The following LAMP2 variants were observed in gnomAD, a reference collection of about 807,000 sequenced individuals.
LAMP2 encodes the protein lysosome associated membrane protein 2, also known as lysosome-associated membrane glycoprotein 2.
Under a neutral mutation model 25.6 loss-of-function variants are expected in LAMP2, and 4 were observed. That is an observed-to-expected ratio of 0.16 (90% CI 0.08 to 0.36). The LOEUF is 0.36. LAMP2 is among the 10% of genes least tolerant of loss of function. LAMP2 has a pLI of 1.00. For missense variants in LAMP2, 272 were observed against 301.4 expected (o/e 0.90, Z 0.72); for synonymous variants, 108 against 112.7 (o/e 0.96, Z 0.27).
chrX:120,438,709 C>A, intron 8 of LAMP2: 1 of 764,476 alleles, frequency 1.3e-6, no homozygotes, highest in Non-Finnish European at 1.5e-6. Context: ...CACACACACA[C>A]ACACACACAC....
At chrX:120,462,291 G>A (rs1921346531) in intron 1 of LAMP2, among the ~76,000 whole-genome samples, 1 of 110,293 alleles carries the variant, frequency 9.1e-6, no homozygotes, top group Non-Finnish European at 1.9e-5. Flanking sequence ...GAGGCCAAGG[G>A]GGGCAGATCA....
At chrX:120,434,666 A>T (rs2058535741) in intron 8 of LAMP2, among the ~76,000 whole-genome samples, 1 of 112,225 alleles carries the variant, frequency 8.9e-6, no homozygotes, top group African/African-American at 3.2e-5. Flanking sequence ...TTTAAAGATT[A>T]AAAAGTTCCA....
At chrX:120,457,356 G>A (rs1602541313) in intron 1 of LAMP2, among the ~76,000 whole-genome samples, 1 of 111,742 alleles carries the variant, frequency 8.9e-6, no homozygotes, top group East Asian at 2.8e-4. Context: ...CTTCCCAAAC[G>A]ATTTTATTCT....
chrX:120,469,191 A>ACGG lies in LAMP2; in HGVS notation c.-25_-23dup. 2.6e-6 allele frequency: 3 copies of ACGG among 1,170,282 alleles called. No homozygotes were observed. Among genetic ancestry groups the ACGG allele is most frequent in the Non-Finnish European group, 3.5e-6 (3 of 861,445 alleles). On this transcript the variant is annotated 5_prime_UTR_variant, in exon 1 of 9. Coordinates refer to ENST00000200639, the MANE Select transcript of LAMP2 (RefSeq NM_002294.3). Reference sequence around the variant, plus strand: ...CCATGACCCCGCAGAGCAGGCGGCGACGGCGGCGACGGCGGCGGTACAACA... The same window carrying ACGG: ...CCATGACCCCGCAGAGCAGGCGGCGACGGCGGCGGCGACGGCGGCGGTACAACA...
intron 1 of LAMP2, among the ~76,000 whole-genome samples, chrX:120,467,983 G>T (rs1921612975): frequency 9.1e-6 from 1 of 110,346 alleles, no homozygotes; most frequent in Non-Finnish European, 1.9e-5. Flanking sequence ...GGCTGGTCTT[G>T]AATTCCTGAC....
At chrX:120,436,034 T>A (rs753999631) in intron 8 of LAMP2, among the ~76,000 whole-genome samples, 3 of 110,283 alleles carry the variant, frequency 2.7e-5, no homozygotes, top group Non-Finnish European at 3.8e-5. Flanking sequence ...TTGAGAAAAG[T>A]GTACAAAGAG....
At chrX:120,449,364 C>T (rs2058611876) in intron 3 of LAMP2, among the ~76,000 whole-genome samples, 1 of 112,297 alleles carries the variant, frequency 8.9e-6, no homozygotes, top group Admixed American at 9.4e-5. Flanking sequence ...CCTGTAATCC[C>T]AGCACTTTGG....
At chrX:120,461,441 T>C (rs1878965919) in intron 1 of LAMP2, among the ~76,000 whole-genome samples, 1 of 112,097 alleles carries the variant, frequency 8.9e-6, no homozygotes, top group African/African-American at 3.2e-5. Flanking sequence ...AACAAACTGG[T>C]GTGCCATGGT....
At chrX:120,456,624 C>T (rs1352182711) in intron 2 of LAMP2, 27 bp downstream of exon 2, 3 of 805,304 alleles carry the variant, frequency 3.7e-6, no homozygotes, top group Non-Finnish European at 3.7e-6. Context: ...CTATAAAACT[C>T]AAAGAAAAAT....
At chrX:120,432,472 T>C (rs1028651082) in intron 8 of LAMP2, among the ~76,000 whole-genome samples, 14 of 110,957 alleles carry the variant, frequency 1.3e-4, no homozygotes, top group African/African-American at 4.6e-4. Context: ...ATGGAGGTAG[T>C]AAGGTAGGAC....
intron 1 of LAMP2, among the ~76,000 whole-genome samples, chrX:120,463,536 T>C (rs1056183866): frequency 9.0e-6 from 1 of 111,660 alleles, no homozygotes; most frequent in Non-Finnish European, 1.9e-5. Flanking sequence ...CTGATCACTT[T>C]AATAAGAAAT....
intron 1 of LAMP2, among the ~76,000 whole-genome samples, chrX:120,458,898 G>T (rs1009097219): frequency 1.8e-5 from 2 of 111,456 alleles, no homozygotes; most frequent in Non-Finnish European, 3.8e-5. Flanking sequence ...AAAATGCCTA[G>T]ATACCCCTAG....
rs1305798857 is a variant in LAMP2 at position 120,455,438 on chromosome X, C to T, written c.316G>A (p.Ala106Thr). 1.7e-6 allele frequency: 2 copies of T among 1,208,420 alleles called. No homozygotes were observed. The highest frequency in any genetic ancestry group is 3.5e-5 in the African/African-American group (2 of 56,919). ...FSWIANFTKA[A>T]STYSIDSVSF... The stretch of plus-strand genomic sequence containing the variant: ...ACGCTGTCAATTGAATAAGTAGATG[C>T]TGCCTTGGTAAAATTCGCAATCCAG... The change falls in exon 3 of 9, where the codon GCA becomes ACA. Residue 106 changes from alanine to threonine, a missense_variant. Coordinates refer to ENST00000200639, the MANE Select transcript of LAMP2 (RefSeq NM_002294.3).
At chrX:120,450,905 C>A (rs2147283950) in intron 3 of LAMP2, among the ~76,000 whole-genome samples, 1 of 108,069 alleles carries the variant, frequency 9.3e-6, no homozygotes, top group East Asian at 2.9e-4. Flanking sequence ...TTTAAAAAAC[C>A]CTTATTATAT....
chrX:120,452,740 G>A (rs1426463438), intron 3 of LAMP2, among the ~76,000 whole-genome samples: 36 of 83,031 alleles, frequency 4.3e-4, no homozygotes, highest in Non-Finnish European at 6.9e-4. Context: ...TTTTTGTAGA[G>A]ACAAAGTCTT....
At chrX:120,446,226 CCT>C in intron 6 of LAMP2, 77 bp downstream of exon 6, 1 of 942,852 alleles carries the variant, frequency 1.1e-6, no homozygotes, top group Non-Finnish European at 1.5e-6. Flanking sequence ...TAAATACCCC[CCT>C]CCCCCCATGC....
At position 120,447,713 on chromosome X, in the gene LAMP2, A is replaced by AAAACAAAC. The variant is rs368190024; in HGVS notation, c.741+120_741+127dup. On this transcript the variant is annotated intron_variant, in intron 5 of 8. Transcript: ENST00000200639. ...GGACAGAGCGTGACTCCATCTCAAA[A>AAAACAAAC]AAACAAACAAACAAACAAAAAGAAA... 7 of 640,979 alleles carry AAAACAAAC rather than the reference A, an allele frequency of 1.1e-5. No homozygotes were observed. The Admixed American group carries it at 1.1e-4, about 10-fold the overall frequency. 52.8% of individuals were successfully genotyped at this position (640,979 alleles called of 1,213,427 possible).
rs943561186 is a variant in LAMP2, at chrX:120,426,465, T to C, written c.*4858A>G. On this transcript the variant is annotated 3_prime_UTR_variant, in exon 9 of 9. Transcript: ENST00000200639. The stretch of plus-strand genomic sequence containing the variant: ...TTGAGCTTCCTTTATCTTATTGGAG[T>C]TGAAGCAGTTTTTAACCCTCTGTTA... Among the ~76,000 whole-genome samples, 3 of 109,925 alleles carry C rather than the reference T, an allele frequency of 2.7e-5. No individual in the cohort carries two copies. The highest frequency in any genetic ancestry group is 5.7e-5 in the Non-Finnish European group (3 of 52,663).
At chrX:120,460,387 TG>T (rs1210631785) in intron 1 of LAMP2, among the ~76,000 whole-genome samples, 19 of 111,374 alleles carry the variant, frequency 1.7e-4, no homozygotes, top group African/African-American at 6.2e-4. Context: ...AGTTCAAACT[TG>T]TGTTGTTCAA....
Sources: allele counts gnomAD v4.1 joint callset (sites outside exome capture counted in the v4.1 genomes callset), GRCh38; gene constraint gnomAD v4.1.1; transcripts MANE v1.5; gene names NCBI Gene and HGNC (gene_info 2026-07-23, HGNC 2026-07-21).